VAV3: variants seen among roughly 807,000 people sequenced by gnomAD.
The protein encoded by VAV3 is vav guanine nucleotide exchange factor 3.
In VAV3, 94 loss-of-function variants were observed where a neutral mutation model predicts 131.2. That is an observed-to-expected ratio of 0.72 (90% CI 0.61 to 0.85). VAV3 has a LOEUF of 0.85. Among genes scored for constraint, VAV3 ranks in the 40% least tolerant of loss-of-function variants. The probability of loss-of-function intolerance (pLI) is 0.00; values close to 1 mark genes in which losing one functional copy is unlikely to be tolerated. For synonymous variants in VAV3, 349 were observed against 342.0 expected (o/e 1.02, Z -0.22); for missense variants, 939 against 1,002.7 (o/e 0.94, Z 0.86).
chr1:107,739,851 T>A (rs565937446), intron 15 of VAV3, among the ~76,000 whole-genome samples: 3 of 152,316 alleles, frequency 2.0e-5, no homozygotes, highest in Admixed American at 6.5e-5. Flanking sequence ...CAACTCTTGA[T>A]ACCACCACAG....
intron 1 of VAV3, among the ~76,000 whole-genome samples, chr1:107,923,520 T>C (rs61651323): frequency 0.062 from 9,385 of 152,198 alleles, 430 homozygotes; most frequent in African/African-American, 0.13. Context: ...CTGGTTAATT[T>C]ATAAAGAAAA....
chr1:107,947,419 G>A (rs891339281), intron 1 of VAV3, among the ~76,000 whole-genome samples: 1 of 152,108 alleles, frequency 6.6e-6, no homozygotes, highest in African/African-American at 2.4e-5. Flanking sequence ...TGTGAGGAAA[G>A]CCCTATACCA....
At chr1:107,856,577 C>T (rs1243433300) in intron 2 of VAV3, among the ~76,000 whole-genome samples, 5 of 151,882 alleles carry the variant, frequency 3.3e-5, no homozygotes, top group Non-Finnish European at 7.4e-5. Context: ...ATTTAAATTG[C>T]CTATCAAAGT....
chr1:107,902,589 G>A (rs1199986102), intron 1 of VAV3, among the ~76,000 whole-genome samples: 1 of 151,926 alleles, frequency 6.6e-6, no homozygotes, highest in Non-Finnish European at 1.5e-5. Context: ...TCTTTACATT[G>A]ATTTATGATT....
chr1:107,709,620 C>T (rs533999074), intron 15 of VAV3, among the ~76,000 whole-genome samples: 37 of 152,138 alleles, frequency 2.4e-4, no homozygotes, highest in Non-Finnish European at 4.1e-4. Context: ...CAATAATCCC[C>T]ACGTGTCGTG....
rs571067053 is a variant in VAV3, at chr1:107,861,167, A to G, written c.321+13734T>C. Among the ~76,000 whole-genome samples, 25 of 151,762 alleles carry G rather than the reference A, an allele frequency of 1.6e-4. 1 individual carries two copies. The highest frequency in any genetic ancestry group is 8.5e-4 in the Admixed American group (13 of 15,214). ...ACCATGAATCCAAAACAGTATAGAAAAAAAGGAATATATGCTTTTGATTGC... is the reference window on the plus strand; with the variant it reads ...ACCATGAATCCAAAACAGTATAGAAGAAAAGGAATATATGCTTTTGATTGC... On this transcript the variant is annotated intron_variant, in intron 2 of 26. Coordinates refer to ENST00000370056, the MANE Select transcript of VAV3 (RefSeq NM_006113.5).
intron 12 of VAV3, among the ~76,000 whole-genome samples, chr1:107,754,527 G>GGA (rs1475001499): frequency 6.6e-6 from 1 of 152,168 alleles, no homozygotes; most frequent in Non-Finnish European, 1.5e-5. Context: ...CTTGCTGGCT[G>GGA]GGCTGCCTGC....
At chr1:107,770,133 T>C (rs1237362518) in intron 6 of VAV3, among the ~76,000 whole-genome samples, 6 of 152,144 alleles carry the variant, frequency 3.9e-5, no homozygotes, top group Non-Finnish European at 8.8e-5. Context: ...TTGAAGCACA[T>C]GCTGAACACT....
chr1:107,580,543 T>G (rs962256746), intron 25 of VAV3, among the ~76,000 whole-genome samples: 1 of 152,202 alleles, frequency 6.6e-6, no homozygotes, highest in Admixed American at 6.5e-5. Flanking sequence ...TGCCACCCAG[T>G]GTATAGCTCT....
intron 21 of VAV3, among the ~76,000 whole-genome samples, chr1:107,617,026 T>C (rs1038716766): frequency 2.0e-5 from 3 of 152,196 alleles, no homozygotes; most frequent in Non-Finnish European, 4.4e-5. Context: ...TAATATTAAT[T>C]GAGGAAATGT....
intron 2 of VAV3, among the ~76,000 whole-genome samples, chr1:107,869,275 CAAAAT>C (rs1190434658): frequency 3.3e-5 from 5 of 152,002 alleles, no homozygotes; most frequent in African/African-American, 1.2e-4. Flanking sequence ...GATGGCTGTG[CAAAAT>C]AAAATAAAAT....
intron 1 of VAV3, among the ~76,000 whole-genome samples, chr1:107,953,880 C>G (rs1034395467): frequency 1.3e-5 from 2 of 152,178 alleles, no homozygotes; most frequent in African/African-American, 4.8e-5. Context: ...TTAAAGAACT[C>G]TCATGTGAGT....
intron 11 of VAV3, among the ~76,000 whole-genome samples, chr1:107,756,042 G>A (rs1464587800): frequency 1.3e-5 from 2 of 152,190 alleles, no homozygotes; most frequent in Non-Finnish European, 2.9e-5. Flanking sequence ...GAGTTAACCC[G>A]TTTATGGATT....
chr1:107,578,112 C>T (rs1649778871), intron 25 of VAV3, among the ~76,000 whole-genome samples: 2 of 152,178 alleles, frequency 1.3e-5, no homozygotes, highest in East Asian at 1.9e-4. Context: ...AGACACCACC[C>T]AAACAGACTG....
At chr1:107,825,420 A>C (rs1284228388) in intron 2 of VAV3, among the ~76,000 whole-genome samples, 1 of 152,092 alleles carries the variant, frequency 6.6e-6, no homozygotes, top group East Asian at 1.9e-4. Context: ...CCCTTTACCA[A>C]ATATTTGGAT....
chr1:107,622,197 C>A (rs1389018721), intron 20 of VAV3, among the ~76,000 whole-genome samples: 1 of 152,156 alleles, frequency 6.6e-6, no homozygotes, highest in Non-Finnish European at 1.5e-5. Context: ...CATACTCTGG[C>A]ACTTATTTAT....
intron 17 of VAV3, among the ~76,000 whole-genome samples, chr1:107,702,000 C>T (rs1002853795): frequency 6.6e-6 from 1 of 152,226 alleles, no homozygotes; most frequent in Non-Finnish European, 1.5e-5. Flanking sequence ...GTCGCTTCCA[C>T]ATTTTCAAGT....
intron 2 of VAV3, among the ~76,000 whole-genome samples, chr1:107,792,725 A>G (rs933743114): frequency 2.6e-5 from 4 of 152,196 alleles, no homozygotes; most frequent in African/African-American, 9.7e-5. Context: ...GTGTTTAGCT[A>G]GGAGAAATAA....
intron 13 of VAV3, 64 bp downstream of exon 13, chr1:107,751,053 T>C: frequency 6.7e-7 from 1 of 1,497,138 alleles, no homozygotes; most frequent in Non-Finnish European, 9.2e-7. Flanking sequence ...AAATTGTCTT[T>C]AAGGTTTTCT....
Sources: gnomAD v4.1 joint callset for allele counts (sites outside exome capture counted in the v4.1 genomes callset) on GRCh38, gnomAD v4.1.1 for gene constraint, MANE v1.5 for transcripts, NCBI Gene and HGNC (gene_info 2026-07-23, HGNC 2026-07-21) for gene names.